CALN1: variants seen among roughly 807,000 people sequenced by gnomAD.
CALN1 encodes calneuron 1, also known as calcium-binding protein 8.
CALN1 carries 17 observed loss-of-function variants against 30.6 expected under a neutral mutation model. That is an observed-to-expected ratio of 0.56 (90% CI 0.38 to 0.83). CALN1 has a LOEUF of 0.83. Among genes scored for constraint, CALN1 ranks in the 40% least tolerant of loss-of-function variants. The pLI is 0.00. For missense variants in CALN1, 291 were observed against 354.9 expected (o/e 0.82, Z 1.45); for synonymous variants, 156 against 131.4 (o/e 1.19, Z -1.28).
At chr7:71,787,941 G>A (rs1195431897) in intron 6 of CALN1, 39 bp from the exon 7 acceptor site, 5 of 1,613,314 alleles carry the variant, frequency 3.1e-6, no homozygotes, top group Non-Finnish European at 4.2e-6. Context: ...GAAGGAAGAG[G>A]GGTTGGGAGA....
intron 2 of CALN1, among the ~76,000 whole-genome samples, chr7:72,308,372 G>GGGGGA (rs373934467): frequency 7.6e-4 from 70 of 92,618 alleles, no homozygotes; most frequent in African/African-American, 3.0e-3. Flanking sequence ...TGTGGGGGGG[G>GGGGGA]GAGAGAGAGA....
intron 3 of CALN1, among the ~76,000 whole-genome samples, chr7:72,106,782 AAGGG>A (rs1807174108): frequency 3.6e-5 from 2 of 55,688 alleles, no homozygotes; most frequent in African/African-American, 1.3e-4. Context: ...GGGAGGAAGG[AAGGG>A]AGGGAGGAAG....
chr7:72,044,598 A>ATTT (rs1563005478), intron 4 of CALN1, among the ~76,000 whole-genome samples: 2 of 114,436 alleles, frequency 1.7e-5, no homozygotes, highest in African/African-American at 6.9e-5. Context: ...TCCGCTTAAA[A>ATTT]CTTTTTTTTT....
chr7:72,212,368 T>A (rs547678), intron 3 of CALN1, among the ~76,000 whole-genome samples: 1,520 of 102,468 alleles, frequency 0.015, 29 homozygotes, highest in African/African-American at 0.053. Flanking sequence ...AAAAAAAAAA[T>A]ACCAGAGGGG....
the CALN1 span, among the ~76,000 whole-genome samples, chr7:72,500,320 G>A: frequency 9.6e-6 from 1 of 103,796 alleles, no homozygotes; most frequent in Non-Finnish European, 1.8e-5. Flanking sequence ...TCACTCCGTC[G>A]CCCAGGCTGG....
chr7:71,881,820 C>G (rs1417284085), intron 5 of CALN1, among the ~76,000 whole-genome samples: 1 of 152,004 alleles, frequency 6.6e-6, no homozygotes, highest in Non-Finnish European at 1.5e-5. Context: ...TGCCTGTAAT[C>G]CCAGCACTTT....
chr7:71,823,119 A>G (rs1425794477), intron 5 of CALN1, among the ~76,000 whole-genome samples: 1 of 152,248 alleles, frequency 6.6e-6, no homozygotes, highest in East Asian at 1.9e-4. Context: ...TTCTAGAATC[A>G]TACAAATCTC....
intron 2 of CALN1, among the ~76,000 whole-genome samples, chr7:72,302,893 CAAAAAAAAAAAA>C (rs71069055): frequency 3.9e-4 from 19 of 48,758 alleles, no homozygotes; most frequent in South Asian, 1.6e-3. Context: ...GTGAGGGTCT[CAAAAAAAAAAAA>C]AAAAAAAAAA....
intron 2 of CALN1, among the ~76,000 whole-genome samples, chr7:72,365,900 C>T (rs1803850421): frequency 1.3e-5 from 2 of 152,116 alleles, no homozygotes; most frequent in African/African-American, 4.8e-5. Flanking sequence ...AATTATACTT[C>T]ATCATTTCAA....
intron 3 of CALN1, among the ~76,000 whole-genome samples, chr7:72,175,468 A>C (rs547754144): frequency 3.3e-5 from 5 of 152,324 alleles, no homozygotes; most frequent in African/African-American, 1.2e-4. Flanking sequence ...GAGCATCATG[A>C]CTGTCCTCAG....
At chr7:71,982,350 T>A (rs1798443861) in intron 5 of CALN1, among the ~76,000 whole-genome samples, 1 of 152,098 alleles carries the variant, frequency 6.6e-6, no homozygotes, top group South Asian at 2.1e-4. Context: ...ATCCCAGCAA[T>A]TTGGGAGGCG....
chr7:71,967,355 G>C (rs1797576550), intron 5 of CALN1, among the ~76,000 whole-genome samples: 1 of 152,008 alleles, frequency 6.6e-6, no homozygotes, highest in African/African-American at 2.4e-5. Context: ...ACCTGACTAG[G>C]TGTGATGACT....
chr7:72,305,597 G>A (rs1032090887), intron 2 of CALN1, among the ~76,000 whole-genome samples: 2 of 152,146 alleles, frequency 1.3e-5, no homozygotes, highest in Non-Finnish European at 2.9e-5. Context: ...TCCCAAGACA[G>A]TGAGAGGTCA....
At chr7:72,441,597 C>CA (rs56230554) in intron 1 of CALN1, among the ~76,000 whole-genome samples, 5,330 of 79,122 alleles carry the variant, frequency 0.067, 258 homozygotes, top group African/African-American at 0.15. Flanking sequence ...CACTCCGTCT[C>CA]AAAAAAAAAA....
upstream of CALN1, among the ~76,000 whole-genome samples, chr7:72,416,517 C>T (rs1304586626): frequency 6.6e-6 from 1 of 152,078 alleles, no homozygotes; most frequent in Non-Finnish European, 1.5e-5. Flanking sequence ...GTAGATCCAC[C>T]TAATGTCAGG....
At chr7:72,042,928 G>T (rs1802221546) in intron 4 of CALN1, among the ~76,000 whole-genome samples, 1 of 152,114 alleles carries the variant, frequency 6.6e-6, no homozygotes, top group Non-Finnish European at 1.5e-5. Context: ...AGGATATCTT[G>T]CTAGGCCAAC....
chr7:72,261,899 A>T (rs1796295482), intron 3 of CALN1, among the ~76,000 whole-genome samples: 2 of 152,174 alleles, frequency 1.3e-5, no homozygotes, highest in South Asian at 4.1e-4. Flanking sequence ...CGTTAGGGAA[A>T]CCGCAAGAGG....
chr7:72,403,663 T>G (rs868865387), intron 1 of CALN1, among the ~76,000 whole-genome samples: 1 of 152,246 alleles, frequency 6.6e-6, no homozygotes, highest in Non-Finnish European at 1.5e-5. Context: ...AAGCCAATAA[T>G]GGGCTTTTGG....
upstream of CALN1, among the ~76,000 whole-genome samples, chr7:72,447,752 T>C (rs957870380): frequency 6.9e-6 from 1 of 144,782 alleles, no homozygotes; most frequent in Non-Finnish European, 1.5e-5. Flanking sequence ...TGCCTACCCA[T>C]ACATGTACAC....
Sources: gnomAD v4.1 joint callset for allele counts (sites outside exome capture counted in the v4.1 genomes callset) on GRCh38, gnomAD v4.1.1 for gene constraint, MANE v1.5 for transcripts, NCBI Gene and HGNC (gene_info 2026-07-23, HGNC 2026-07-21) for gene names.